Variants in TMEM266 observed in about 807,000 individuals in gnomAD.
TMEM266 encodes Hv1 related protein 1.
A neutral mutation model predicts 50.5 loss-of-function variants in TMEM266; 33 were observed. The observed-to-expected ratio is 0.65, with a 90% CI of 0.50 to 0.87. TMEM266 has a LOEUF of 0.87. Among genes scored for constraint, TMEM266 ranks in the 40% least tolerant of loss-of-function variants. The pLI is 0.00. For missense variants in TMEM266, 655 were observed against 695.1 expected, an observed-to-expected ratio of 0.94 and a Z score of 0.65; for synonymous variants, 310 against 292.3, an observed-to-expected ratio of 1.06 and a Z score of -0.62.
In TMEM266 at chr15:76,204,174, C is replaced by T. The variant is rs1596179042; in HGVS notation, c.1455C>T (p.Phe485=). ...AGCTGGAACACAGGGTAAGTCTGTT[C>T]AACCAGAAGAACCAGGAGGGCTTCA... is the stretch of plus-strand genomic sequence containing the variant. The part of the protein sequence containing the change: ...SLFNQKNQEG[F]TVFQIRPVIH... Residue 485 remains phenylalanine, a synonymous_variant, in exon 11 of 11, where the codon TTC becomes TTT. Transcript: ENST00000388942. 1 of 1,613,658 alleles carries T rather than the reference C, an allele frequency of 6.2e-7. No individual in the cohort carries two copies. The highest frequency in any genetic ancestry group is 8.5e-7 in the Non-Finnish European group (1 of 1,180,024).
chr15:76,072,407 C>A (rs1282244870), intron 1 of TMEM266, among the ~76,000 whole-genome samples: 1 of 140,472 alleles, frequency 7.1e-6, no homozygotes, highest in Non-Finnish European at 1.5e-5. Flanking sequence ...CATTGCACTG[C>A]AGCCTGGGCA....
At position 76,134,225 on chromosome 15, in the gene TMEM266, TTCAG is replaced by T; in HGVS notation, c.-38_-35del. On this transcript the variant is annotated 5_prime_UTR_variant, in exon 2 of 11. It removes the in-frame stop codon of an upstream open reading frame in the 5' UTR. Coordinates refer to ENST00000388942, the MANE Select transcript of TMEM266 (RefSeq NM_152335.3). ...ACGCTTGGAAATGCTGACAGCAGGCTTCAGGACAGCTGAGCCCCACTAAACACCA... is the reference window on the plus strand; with the variant it reads ...ACGCTTGGAAATGCTGACAGCAGGCTGACAGCTGAGCCCCACTAAACACCA... The T allele has an allele frequency of 6.2e-7, 1 of 1,611,604 alleles. No homozygotes were observed. Among genetic ancestry groups the T allele is most frequent in the Non-Finnish European group, 8.5e-7 (1 of 1,177,842 alleles).
chr15:76,165,197 C>T (rs964043101), intron 5 of TMEM266, among the ~76,000 whole-genome samples: 3 of 152,228 alleles, frequency 2.0e-5, no homozygotes, highest in Admixed American at 2.0e-4. Flanking sequence ...TGGACCCCTT[C>T]CTTCAGAGAA....
chr15:76,143,916 A>C (rs1596132112), intron 3 of TMEM266, among the ~76,000 whole-genome samples: 2 of 152,278 alleles, frequency 1.3e-5, no homozygotes, highest in East Asian at 3.9e-4. Context: ...AGATCCAGCT[A>C]CTTTCCTGGA....
intron 1 of TMEM266, among the ~76,000 whole-genome samples, chr15:76,081,480 G>A (rs934937281): frequency 5.9e-5 from 9 of 152,166 alleles, no homozygotes; most frequent in African/African-American, 1.7e-4. Context: ...GCTCACTAAC[G>A]ATGATGTTCC....
chr15:76,115,056 A>T (rs545761765), intron 1 of TMEM266, among the ~76,000 whole-genome samples: 13 of 152,326 alleles, frequency 8.5e-5, no homozygotes, highest in African/African-American at 2.6e-4. Context: ...AGATTGCTTG[A>T]GCCCAGGAGT....
intron 1 of TMEM266, among the ~76,000 whole-genome samples, chr15:76,091,601 T>A (rs1265001174): frequency 2.0e-5 from 3 of 152,032 alleles, no homozygotes; most frequent in Admixed American, 1.3e-4. Context: ...GGGATCTTGA[T>A]GATCTTTCAT....
At chr15:76,128,831 A>T (rs2037461523) in intron 1 of TMEM266, among the ~76,000 whole-genome samples, 1 of 152,092 alleles carries the variant, frequency 6.6e-6, no homozygotes, top group South Asian at 2.1e-4. Context: ...CCCCTCTCCC[A>T]TATCTCCTTT....
rs540791966 is a variant in TMEM266, at chr15:76,117,179, G to A, written c.-96-16989G>A. On this transcript the variant is annotated intron_variant, in intron 1 of 10. Coordinates refer to ENST00000388942, the MANE Select transcript of TMEM266 (RefSeq NM_152335.3). ...CTCCCAAAGTGCTGGGATTACAGGTGTGAGCCAGTACACCCAGCCGAATCC... is the reference window on the plus strand; with the variant it reads ...CTCCCAAAGTGCTGGGATTACAGGTATGAGCCAGTACACCCAGCCGAATCC... 3.3e-5 allele frequency among the ~76,000 whole-genome samples: 5 copies of A among 152,186 alleles called. No individual in the cohort carries two copies. In the South Asian group the frequency reaches 1.0e-3, roughly 32 times the overall value.
intron 3 of TMEM266, among the ~76,000 whole-genome samples, chr15:76,156,356 T>C (rs1229774074): frequency 6.6e-6 from 1 of 151,844 alleles, no homozygotes; most frequent in Non-Finnish European, 1.5e-5. Context: ...TAAGACTTTG[T>C]CTCAAAAAAG....
At chr15:76,073,083 C>T (rs1284531071) in intron 1 of TMEM266, among the ~76,000 whole-genome samples, 1 of 151,876 alleles carries the variant, frequency 6.6e-6, no homozygotes, top group Non-Finnish European at 1.5e-5. Context: ...AGGCATGTGT[C>T]ACCACACCCA....
At chr15:76,169,721 G>A in intron 5 of TMEM266, 95 bp from the exon 6 acceptor site, 1 of 1,393,812 alleles carries the variant, frequency 7.2e-7, no homozygotes, top group Non-Finnish European at 1.0e-6. Flanking sequence ...TCCTTTTACT[G>A]AATGCAGAAG....
At chr15:76,088,548 G>C (rs1455256464) in intron 1 of TMEM266, among the ~76,000 whole-genome samples, 1 of 152,194 alleles carries the variant, frequency 6.6e-6, no homozygotes. Context: ...TGTAATCCCA[G>C]CACTTTGGGA....
intron 1 of TMEM266, among the ~76,000 whole-genome samples, chr15:76,129,674 A>C (rs570466281): frequency 1.3e-5 from 2 of 152,086 alleles, no homozygotes; most frequent in African/African-American, 4.8e-5. Flanking sequence ...AACAAAACAA[A>C]AAAAACTGCT....
At chr15:76,200,359 C>T (rs969962982) in intron 9 of TMEM266, among the ~76,000 whole-genome samples, 8 of 152,234 alleles carry the variant, frequency 5.3e-5, no homozygotes, top group African/African-American at 1.9e-4. Context: ...CCATCACAAT[C>T]TGAAAGAGCC....
chr15:76,135,312 C>G (rs568361952), intron 2 of TMEM266, among the ~76,000 whole-genome samples: 2 of 152,266 alleles, frequency 1.3e-5, no homozygotes, highest in Non-Finnish European at 2.9e-5. Flanking sequence ...CACTGTGGGA[C>G]CTTCACCTCA....
chr15:76,087,685 C>A (rs543033740), intron 1 of TMEM266, among the ~76,000 whole-genome samples: 1 of 152,268 alleles, frequency 6.6e-6, no homozygotes, highest in South Asian at 2.1e-4. Flanking sequence ...CCCTGGAAAC[C>A]TTGACATTTA....
chr15:76,183,429 C>T (rs2038450373), intron 8 of TMEM266, among the ~76,000 whole-genome samples: 1 of 152,158 alleles, frequency 6.6e-6, no homozygotes, highest in African/African-American at 2.4e-5. Flanking sequence ...CCTTCTTCCT[C>T]CAAGTCCTCG....
chr15:76,169,322 G>A (rs2142058954), intron 5 of TMEM266, among the ~76,000 whole-genome samples: 1 of 152,286 alleles, frequency 6.6e-6, no homozygotes, highest in Non-Finnish European at 1.5e-5. Flanking sequence ...ACAGGAAGGA[G>A]GGAGGAGATT....
Sources: gnomAD v4.1 joint callset for allele counts (sites outside exome capture counted in the v4.1 genomes callset) on GRCh38, gnomAD v4.1.1 for gene constraint, MANE v1.5 for transcripts, NCBI Gene and HGNC (gene_info 2026-07-23, HGNC 2026-07-21) for gene names.